Variants in KCTD1 observed in about 807,000 individuals in gnomAD.
The protein encoded by KCTD1 is BTB/POZ domain-containing protein KCTD1.
Under a neutral mutation model 66.0 loss-of-function variants are expected in KCTD1, and 24 were observed. That is an observed-to-expected ratio of 0.36 (90% CI 0.26 to 0.51). The LOEUF is 0.51. KCTD1 is among the 20% of genes least tolerant of loss of function. The probability of loss-of-function intolerance (pLI) is 0.95; values close to 1 mark genes in which losing one functional copy is unlikely to be tolerated. For missense variants in KCTD1, 943 were observed against 1,205.2 expected, an observed-to-expected ratio of 0.78 and a Z score of 3.22; for synonymous variants, 511 against 517.2, an observed-to-expected ratio of 0.99 and a Z score of 0.16.
chr18:26,644,103 C>T (rs1987888171), upstream of KCTD1, among the ~76,000 whole-genome samples: 1 of 152,134 alleles, frequency 6.6e-6, no homozygotes, highest in Admixed American at 6.5e-5. Context: ...TTCTCATCCC[C>T]GTTTCCCCTA....
At chr18:26,479,470 G>A (rs1456518226) in intron 2 of KCTD1, among the ~76,000 whole-genome samples, 1 of 152,252 alleles carries the variant, frequency 6.6e-6, no homozygotes, top group African/African-American at 2.4e-5. Context: ...CCCGATGGAA[G>A]GGGCTGAAAA....
chr18:26,475,995 C>T (rs545241693), intron 3 of KCTD1, among the ~76,000 whole-genome samples: 1 of 152,184 alleles, frequency 6.6e-6, no homozygotes, highest in Non-Finnish European at 1.5e-5. Flanking sequence ...GCAAAAATTA[C>T]ATTTTCGTGA....
upstream of KCTD1, among the ~76,000 whole-genome samples, chr18:26,550,865 C>G (rs1598937388): frequency 6.6e-6 from 1 of 152,250 alleles, no homozygotes; most frequent in African/African-American, 2.4e-5. This position sits in a 1 kb window ranked among gnomAD's most constrained non-coding sequence, Gnocchi z 5.4. Flanking sequence ...CTGGGACGCT[C>G]CCAGGTTTTC....
Position 26,463,844 on chromosome 18 carries a change from A to G in KCTD1, c.2134-3919T>C, listed in dbSNP as rs143251650. On this transcript the variant is annotated intron_variant, in intron 3 of 4. Coordinates refer to ENST00000580059, the MANE Select transcript of KCTD1 (RefSeq NM_001142730.3). ...GAGCCACCACGCCCGGCCTGAATAC[A>G]TATTTTTTAAATAATTTAAGATTTA... Among the ~76,000 whole-genome samples, 3 of 152,278 alleles carry G rather than the reference A, an allele frequency of 2.0e-5. No individual in the cohort carries two copies. In the East Asian group the frequency reaches 5.8e-4, roughly 29 times the overall value.
intron 1 of KCTD1, among the ~76,000 whole-genome samples, chr18:26,602,369 CTAT>C (rs1986917926): frequency 6.6e-6 from 1 of 152,094 alleles, no homozygotes; most frequent in African/African-American, 2.4e-5. Context: ...ATTTTTACAT[CTAT>C]ATTTATAAGA....
intron 2 of KCTD1, among the ~76,000 whole-genome samples, chr18:26,495,561 C>T (rs916009053): frequency 3.3e-5 from 5 of 152,118 alleles, no homozygotes; most frequent in African/African-American, 1.2e-4. Flanking sequence ...TTGCGTTTTG[C>T]AATTACCTAC....
intron 1 of KCTD1, among the ~76,000 whole-genome samples, chr18:26,536,359 TG>T (rs1984709449): frequency 6.6e-6 from 1 of 152,206 alleles, no homozygotes; most frequent in Non-Finnish European, 1.5e-5. Context: ...GCAGCTTACT[TG>T]GAGTGGGGAC....
At chr18:26,558,969 G>A (rs1985778768) in intron 1 of KCTD1, among the ~76,000 whole-genome samples, 1 of 151,872 alleles carries the variant, frequency 6.6e-6, no homozygotes, top group African/African-American at 2.4e-5. Flanking sequence ...AAAAGAATGA[G>A]ATCCTGTCAT....
intron 1 of KCTD1, among the ~76,000 whole-genome samples, chr18:26,601,024 G>A (rs910801582): frequency 5.3e-5 from 8 of 152,064 alleles, no homozygotes; most frequent in African/African-American, 1.9e-4. Context: ...TGTGATGTTG[G>A]ATAGTCATCC....
intron 1 of KCTD1, among the ~76,000 whole-genome samples, chr18:26,650,893 A>C (rs1988018182): frequency 6.6e-6 from 1 of 152,248 alleles, no homozygotes; most frequent in Admixed American, 6.5e-5. Context: ...TATCTCGTTA[A>C]CATTCTCTTC....
At position 26,456,122 on chromosome 18, in the gene KCTD1, A is replaced by C. The variant is rs144303231; in HGVS notation, c.2440-221T>G. On this transcript the variant is annotated intron_variant, in intron 4 of 4. Transcript: ENST00000580059. ...TGTGCCTTTCATGCTTGCTTTACAC[A>C]CACCAGCTACAACACTCGATGGTGT... The C allele has an allele frequency of 3.0e-4, 150 of 506,172 alleles. 5 individuals carry two copies. The South Asian group carries it at 3.1e-3, about 10-fold the overall frequency. 31.4% of individuals were successfully genotyped at this position (506,172 alleles called of 1,614,324 possible).
chr18:26,552,987 CT>C (rs773910506), upstream of KCTD1, among the ~76,000 whole-genome samples: 10,285 of 137,066 alleles, frequency 0.075, 295 homozygotes, highest in African/African-American at 0.15. Context: ...CTTTTTCTTT[CT>C]TTTTTTTTTT....
At chr18:26,516,757 A>G (rs983412553) in intron 1 of KCTD1, among the ~76,000 whole-genome samples, 1 of 152,226 alleles carries the variant, frequency 6.6e-6, no homozygotes, top group Non-Finnish European at 1.5e-5. Flanking sequence ...ACTGATGATG[A>G]CAAAGCAAGC....
chr18:26,577,702 T>C (rs902047459), intron 1 of KCTD1, among the ~76,000 whole-genome samples: 3 of 152,106 alleles, frequency 2.0e-5, no homozygotes, highest in South Asian at 2.1e-4. Flanking sequence ...TCCAACACCA[T>C]GCCTGGCTAA....
intron 1 of KCTD1, among the ~76,000 whole-genome samples, chr18:26,538,677 A>T (rs1312941720): frequency 2.0e-5 from 3 of 152,252 alleles, no homozygotes; most frequent in Non-Finnish European, 4.4e-5. Flanking sequence ...ATATTCATAT[A>T]GTGCTCATAT....
chr18:26,616,141 C>CTTTTTTTTTTTTTTTTCAAGTGTTTCT (rs11354165), intron 1 of KCTD1, among the ~76,000 whole-genome samples: 2 of 138,112 alleles, frequency 1.4e-5, no homozygotes, highest in Non-Finnish European at 3.1e-5. Context: ...TTAAGTGTTT[C>CTTTTTTTTTTTTTTTTCAAGTGTTTCT]TTTTTTTTTT....
chr18:26,650,137 A>G (rs908252737), intron 1 of KCTD1, among the ~76,000 whole-genome samples: 8 of 152,194 alleles, frequency 5.3e-5, no homozygotes, highest in Non-Finnish European at 1.0e-4. Flanking sequence ...CTTAGCATCA[A>G]TGCTTCCCCA....
rs1568003722 is a variant in KCTD1 at position 26,593,526 on chromosome 18, AAGGAGAAGGAGGAGGAAGAAGACGAGG to A, written c.-16+35594_-16+35620del. Among the ~76,000 whole-genome samples the A allele has an allele frequency of 6.2e-3, 736 of 119,310 alleles. 15 individuals carry two copies. The highest frequency in any genetic ancestry group is 0.022 in the African/African-American group (673 of 30,342). The allele number at this position is 119,310 out of a possible 152,430, so 78.3% of individuals were successfully genotyped here. On this transcript the variant is annotated intron_variant, in intron 1 of 4. Coordinates refer to the KCTD1 transcript ENST00000317932. ...GGAAGATGAGGAGGAGGAAGAAGAC[AAGGAGAAGGAGGAGGAAGAAGACGAGG>A]AGGAGGAGGAGGAGGAAGACAAGGA...
chr18:26,650,060 T>C (rs1277731808), intron 1 of KCTD1, among the ~76,000 whole-genome samples: 5 of 152,192 alleles, frequency 3.3e-5, no homozygotes, highest in Non-Finnish European at 5.9e-5. Context: ...ATGACAACTG[T>C]GCACAGGACG....
Sources: allele counts gnomAD v4.1 joint callset (sites outside exome capture counted in the v4.1 genomes callset), GRCh38; gene constraint gnomAD v4.1.1; non-coding constraint Gnocchi (gnomAD v3.1); transcripts MANE v1.5; gene names NCBI Gene and HGNC (gene_info 2026-07-23, HGNC 2026-07-21).